Variants in LMO7 observed in about 807,000 individuals in gnomAD.
LMO7 encodes LIM domain 7.
LMO7 carries 120 observed loss-of-function variants against 206.5 expected under a neutral mutation model. That is an observed-to-expected ratio of 0.58 (90% CI 0.50 to 0.68). LMO7 has a LOEUF of 0.68. Among genes scored for constraint, LMO7 ranks in the 30% least tolerant of loss-of-function variants. The pLI is 0.00. For missense variants in LMO7, 1,959 were observed against 1,957.9 expected (o/e 1.00, Z -0.01); for synonymous variants, 706 against 681.5 (o/e 1.04, Z -0.56).
At chr13:75,789,686 A>G (rs1398157424) in intron 4 of LMO7, among the ~76,000 whole-genome samples, 4 of 152,178 alleles carry the variant, frequency 2.6e-5, no homozygotes, top group African/African-American at 9.7e-5. Context: ...CTTAGAGCAT[A>G]GTATGCTCTA....
chr13:75,706,650 AT>A (rs1387207871), intron 1 of LMO7, among the ~76,000 whole-genome samples: 2 of 152,170 alleles, frequency 1.3e-5, no homozygotes, highest in Non-Finnish European at 2.9e-5. Context: ...ATCCAGGAAA[AT>A]TGGATGAAAA....
At chr13:75,843,102 A>T (rs1199942916) in intron 25 of LMO7, among the ~76,000 whole-genome samples, 186 bp downstream of exon 25, 1 of 152,212 alleles carries the variant, frequency 6.6e-6, no homozygotes, top group Non-Finnish European at 1.5e-5. Context: ...GAACTTAATG[A>T]ATTAGCTTAT....
intron 1 of LMO7, among the ~76,000 whole-genome samples, chr13:75,653,114 T>A (rs1316742295): frequency 2.0e-5 from 3 of 152,184 alleles, no homozygotes; most frequent in African/African-American, 4.8e-5. Context: ...ATGCCCAGTA[T>A]GTAATAGATA....
At chr13:75,661,167 T>C (rs2038558850) in intron 1 of LMO7, among the ~76,000 whole-genome samples, 1 of 152,204 alleles carries the variant, frequency 6.6e-6, no homozygotes, top group African/African-American at 2.4e-5. Context: ...TTTGCATAAC[T>C]TTGTCTCCCA....
chr13:75,742,305 C>T (rs1390082143), intron 3 of LMO7, among the ~76,000 whole-genome samples: 1 of 152,142 alleles, frequency 6.6e-6, no homozygotes, highest in African/African-American at 2.4e-5. Flanking sequence ...TATAGCCATA[C>T]TGCCCAAAGC....
rs752947652 is a variant in LMO7, at chr13:75,636,630, GTC to G, written c.-19_-18del. The stretch of plus-strand genomic sequence containing the variant: ...AACCCCTCCCCTCCACGCATCCCGA[GTC>G]TCTCTCTCCCTCCCTTGTCCTAGCC... On this transcript the variant is annotated 5_prime_UTR_variant, in exon 1 of 31. Transcript: ENST00000377534. The G allele has an allele frequency of 4.5e-5, 70 of 1,566,400 alleles. 1 individual carries two copies. The South Asian group carries it at 7.3e-4, about 16-fold the overall frequency.
chr13:75,636,768 G>C, intron 1 of LMO7, 42 bp downstream of exon 1: 1 of 1,567,138 alleles, frequency 6.4e-7, no homozygotes, highest in Non-Finnish European at 8.7e-7. Flanking sequence ...GGTGTTGACT[G>C]CCTCGGGGCG....
intron 1 of LMO7, among the ~76,000 whole-genome samples, chr13:75,646,388 G>A (rs910226926): frequency 3.3e-5 from 5 of 152,118 alleles, no homozygotes; most frequent in Admixed American, 6.5e-5. Context: ...TTATACATCC[G>A]ACTCTGCGCC....
Position 75,835,229 on chromosome 13 carries a change from A to G in LMO7, c.3227-4A>G, listed in dbSNP as rs772273274. Reference sequence around the variant, plus strand: ...TCTCACCAGTATGGCTACCAAAATTATAGGTTCACCTGAAACAAAGTGGAT... The same window carrying G: ...TCTCACCAGTATGGCTACCAAAATTGTAGGTTCACCTGAAACAAAGTGGAT... On this transcript the variant is annotated splice_region_variant and splice_polypyrimidine_tract_variant and intron_variant, in intron 17 of 30. Transcript: ENST00000377534. 4.3e-5 allele frequency: 69 copies of G among 1,612,314 alleles called. No individual in the cohort carries two copies. The highest frequency in any genetic ancestry group is 2.3e-5 in the Non-Finnish European group (27 of 1,179,164).
chr13:75,824,520 G>GT (rs1436828909), intron 15 of LMO7, among the ~76,000 whole-genome samples: 3 of 152,152 alleles, frequency 2.0e-5, no homozygotes, highest in African/African-American at 7.2e-5. Flanking sequence ...GGCATGTGTA[G>GT]TTTTTCCTAC....
intron 1 of LMO7, among the ~76,000 whole-genome samples, chr13:75,684,044 G>A (rs777469725): frequency 6.6e-6 from 1 of 152,066 alleles, no homozygotes; most frequent in Non-Finnish European, 1.5e-5. Flanking sequence ...CAAAAGGGAG[G>A]GGGGACAGAA....
chr13:75,669,406 G>A (rs1198698289), intron 1 of LMO7, among the ~76,000 whole-genome samples: 2 of 152,074 alleles, frequency 1.3e-5, no homozygotes, highest in Admixed American at 6.6e-5. Flanking sequence ...TATGTTATCC[G>A]CAAATTAGGA....
rs774950172 is a variant in LMO7 at position 75,833,175 on chromosome 13, G to A, written c.3064+10G>A. 1.4e-6 allele frequency: 2 copies of A among 1,416,402 alleles called. No individual in the cohort carries two copies. Among genetic ancestry groups the A allele is most frequent in the Non-Finnish European group, 2.0e-6 (2 of 999,626 alleles). 87.7% of individuals were successfully genotyped at this position (1,416,402 alleles called of 1,614,324 possible). A position where few individuals can be genotyped will look rare whatever the true frequency, so the allele number is the denominator to read the frequency against. ...GCATCAGTTGAAGCAGGTAAATTAT[G>A]TGTTTAGCTCTACTGAATTTTCTTC... On this transcript the variant is annotated intron_variant, in intron 16 of 30. Transcript: ENST00000377534.
chr13:75,784,691 C>G (rs74327804), intron 4 of LMO7, among the ~76,000 whole-genome samples: 1 of 152,046 alleles, frequency 6.6e-6, no homozygotes, highest in Non-Finnish European at 1.5e-5. Flanking sequence ...AGAAAGGAAA[C>G]AAGTATTTAT....
chr13:75,739,691 G>A (rs2139131906), intron 3 of LMO7, among the ~76,000 whole-genome samples: 1 of 152,288 alleles, frequency 6.6e-6, no homozygotes, highest in Non-Finnish European at 1.5e-5. Context: ...GCTCTATGTG[G>A]TGATCACTGC....
intron 2 of LMO7, chr13:75,627,130 A>G (rs1380092875): frequency 1.3e-5 from 2 of 152,134 alleles, no homozygotes; most frequent in Non-Finnish European, 2.9e-5. Flanking sequence ...TAAAGTACAG[A>G]TGGTCCTCCA....
At chr13:75,702,410 C>T (rs1339725780) in intron 1 of LMO7, among the ~76,000 whole-genome samples, 1 of 152,144 alleles carries the variant, frequency 6.6e-6, no homozygotes, top group Admixed American at 6.6e-5. Flanking sequence ...CTTTTGGGTT[C>T]CATCTAGAAT....
At chr13:75,796,574 T>G in intron 5 of LMO7, 62 bp from the exon 6 acceptor site, 1 of 914,796 alleles carries the variant, frequency 1.1e-6, no homozygotes, top group Non-Finnish European at 1.8e-6. Flanking sequence ...CACCTATATT[T>G]GAGCTTGCAA....
rs370835792 is a variant in LMO7 at position 75,805,459 on chromosome 13, C to T, written c.915-20C>T. ...ACAAATGCTCATACAGTGTCTTAAC[C>T]GGTTGGATGTTTTGAACAGTAATCA... On this transcript the variant is annotated intron_variant, in intron 8 of 30. Coordinates refer to ENST00000377534, the MANE Select transcript of LMO7 (RefSeq NM_001306080.2). The T allele has an allele frequency of 2.5e-5, 41 of 1,608,678 alleles. No homozygotes were observed. Among genetic ancestry groups the T allele is most frequent in the East Asian group, 1.1e-4 (5 of 44,804 alleles).
Sources: gnomAD v4.1 joint callset for allele counts (sites outside exome capture counted in the v4.1 genomes callset) on GRCh38, gnomAD v4.1.1 for gene constraint, MANE v1.5 for transcripts, NCBI Gene and HGNC (gene_info 2026-07-23, HGNC 2026-07-21) for gene names.